Variants in CA8 observed in about 807,000 individuals in gnomAD.
The protein encoded by CA8 is carbonic anhydrase-related protein.
A neutral mutation model predicts 41.4 loss-of-function variants in CA8; 22 were observed. The ratio of observed to expected loss-of-function variants is 0.53; its 90% CI spans 0.38 to 0.76. CA8 has a LOEUF of 0.76. CA8 is among the 30% of genes least tolerant of loss of function. CA8 has a pLI of 0.00. For missense variants in CA8, 270 were observed against 352.8 expected (o/e 0.77, Z 1.88); for synonymous variants, 121 against 130.6 (o/e 0.93, Z 0.50).
chr8:60,217,271 C>T (rs913639843), intron 7 of CA8, among the ~76,000 whole-genome samples: 9 of 152,222 alleles, frequency 5.9e-5, no homozygotes, highest in African/African-American at 9.6e-5. Context: ...TGACCATAGA[C>T]ACCCAGCTCG....
At chr8:60,205,841 A>C (rs966879440) in intron 8 of CA8, among the ~76,000 whole-genome samples, 1 of 152,206 alleles carries the variant, frequency 6.6e-6, no homozygotes, top group Non-Finnish European at 1.5e-5. Context: ...AATTATTTTA[A>C]ACATTTTTTA....
intron 3 of CA8, among the ~76,000 whole-genome samples, chr8:60,234,365 A>G (rs1234795149): frequency 1.3e-5 from 2 of 152,212 alleles, no homozygotes; most frequent in Non-Finnish European, 2.9e-5. Flanking sequence ...CAGAAGAAGG[A>G]CATTAGGTAA....
At chr8:60,226,413 T>C (rs925583982) in intron 5 of CA8, among the ~76,000 whole-genome samples, 1 of 152,214 alleles carries the variant, frequency 6.6e-6, no homozygotes, top group African/African-American at 2.4e-5. Context: ...TTGGAACAGA[T>C]AAGCTGATGC....
chr8:60,238,206 A>T (rs1807899175), intron 3 of CA8, among the ~76,000 whole-genome samples: 1 of 152,234 alleles, frequency 6.6e-6, no homozygotes, highest in African/African-American at 2.4e-5. Flanking sequence ...CACTGAGAAA[A>T]ATAAGTTTGA....
Position 60,190,432 on chromosome 8 carries a change from A to AATATATAT in CA8, c.*36-455_*36-448dup, listed in dbSNP as rs57878452. On this transcript the variant is annotated intron_variant, in intron 8 of 8. Coordinates refer to ENST00000317995, the MANE Select transcript of CA8 (RefSeq NM_004056.6). ...TCTATTAAATAAATAATAAATGCAG[A>AATATATAT]ATATATATATATATATATATATATA... Among the ~76,000 whole-genome samples the AATATATAT allele has an allele frequency of 1.3e-3, 133 of 99,332 alleles. 1 individual carries two copies. Among genetic ancestry groups the AATATATAT allele is most frequent in the Non-Finnish European group, 1.7e-3 (85 of 49,732 alleles). 65.2% of individuals were successfully genotyped at this position (99,332 alleles called of 152,430 possible).
In CA8 at chr8:60,188,186, A is replaced by G. The variant is rs927537149; in HGVS notation, c.*1835T>C. 1 of 152,194 alleles carries G rather than the reference A, an allele frequency of 6.6e-6. No homozygotes were observed. Among genetic ancestry groups the G allele is most frequent in the Non-Finnish European group, 1.5e-5 (1 of 68,038 alleles). The allele number at this position is 152,194 out of a possible 1,614,324, so 9.4% of individuals were successfully genotyped here. On this transcript the variant is annotated 3_prime_UTR_variant, in exon 9 of 9. Coordinates refer to ENST00000317995, the MANE Select transcript of CA8 (RefSeq NM_004056.6). ...TATACAGACATAAACACACATACAC[A>G]CACACCTGTGAAGGGTGAAGTCTGA...
At chr8:60,207,904 TGCCACCACA>T (rs1344916498) in intron 8 of CA8, among the ~76,000 whole-genome samples, 1 of 152,158 alleles carries the variant, frequency 6.6e-6, no homozygotes, top group Non-Finnish European at 1.5e-5. Context: ...TACAAGCGTA[TGCCACCACA>T]CCCAGCTAAT....
Position 60,212,797 on chromosome 8 carries a change from G to A in CA8, c.739-3878C>T, listed in dbSNP as rs150432054. The stretch of plus-strand genomic sequence containing the variant: ...TAAGATGGTAGATCTTATGTTAAGC[G>A]TTCTGACCCAGTAAAATATTTTAAC... On this transcript the variant is annotated intron_variant, in intron 7 of 8. Transcript: ENST00000317995. 9.0e-3 allele frequency among the ~76,000 whole-genome samples: 1,372 copies of A among 152,290 alleles called. 8 individuals carry two copies. Among genetic ancestry groups the A allele is most frequent in the Non-Finnish European group, 0.015 (1,048 of 68,018 alleles).
At chr8:60,192,572 G>T (rs1386503249) in intron 8 of CA8, among the ~76,000 whole-genome samples, 2 of 152,056 alleles carry the variant, frequency 1.3e-5, no homozygotes, top group Admixed American at 6.6e-5. Context: ...AGTAATGCTT[G>T]GTCTCATCTG....
intron 3 of CA8, among the ~76,000 whole-genome samples, chr8:60,236,631 G>C (rs1305972839): frequency 5.9e-5 from 9 of 152,166 alleles, no homozygotes. Flanking sequence ...CCTTTGGGGA[G>C]GGGGGATGAA....
intron 8 of CA8, among the ~76,000 whole-genome samples, chr8:60,201,486 T>C (rs1806426412): frequency 6.6e-6 from 1 of 152,038 alleles, no homozygotes; most frequent in South Asian, 2.1e-4. Flanking sequence ...AAACTGGGTA[T>C]ATGGACACCA....
At chr8:60,242,554 A>G (rs1006194378) in intron 3 of CA8, among the ~76,000 whole-genome samples, 1 of 152,214 alleles carries the variant, frequency 6.6e-6, no homozygotes, top group African/African-American at 2.4e-5. Context: ...TTATCCGCAA[A>G]GACAAGAAAA....
chr8:60,219,946 A>AC (rs1386714397), intron 7 of CA8, among the ~76,000 whole-genome samples: 1 of 143,790 alleles, frequency 7.0e-6, no homozygotes, highest in East Asian at 2.0e-4. Flanking sequence ...AAAAAAAAAA[A>AC]AAAAAAACAC....
intron 7 of CA8, among the ~76,000 whole-genome samples, chr8:60,221,684 T>C (rs186655247): frequency 5.6e-4 from 86 of 152,286 alleles, no homozygotes; most frequent in Middle Eastern, 6.8e-3. Flanking sequence ...TCAAAGTTCA[T>C]AAAATAATGA....
chr8:60,198,571 CCTT>C (rs1806342140), intron 8 of CA8, among the ~76,000 whole-genome samples: 1 of 152,140 alleles, frequency 6.6e-6, no homozygotes, highest in Non-Finnish European at 1.5e-5. Flanking sequence ...CATTTTTCTT[CCTT>C]CTTCTCTAAT....
At chr8:60,259,933 T>C (rs1203408143) in intron 3 of CA8, among the ~76,000 whole-genome samples, 3 of 152,194 alleles carry the variant, frequency 2.0e-5, no homozygotes, top group Non-Finnish European at 4.4e-5. Context: ...TGTTCCTTTT[T>C]TCTGGTCAAA....
Position 60,279,671 on chromosome 8 carries a change from A to T in CA8, c.292+18T>A. ...ACTTCTAGTTTAAAAGACCACACAA[A>T]CATATTTTCTAAAATACCTGATTTT... On this transcript the variant is annotated intron_variant, in intron 2 of 8. Transcript: ENST00000317995. 5 of 1,607,616 alleles carry T rather than the reference A, an allele frequency of 3.1e-6. No homozygotes were observed. The highest frequency in any genetic ancestry group is 4.3e-6 in the Non-Finnish European group (5 of 1,174,078).
At chr8:60,242,585 A>C (rs1480922019) in intron 3 of CA8, among the ~76,000 whole-genome samples, 3 of 152,128 alleles carry the variant, frequency 2.0e-5, no homozygotes, top group Admixed American at 1.3e-4. Flanking sequence ...GGAAGGGAGA[A>C]TGTGTGACCC....
rs939759378 is a variant in CA8, at chr8:60,198,381, G to A, written c.*36-8396C>T. On this transcript the variant is annotated intron_variant, in intron 8 of 8. Transcript: ENST00000317995. ...CTCACTAATATGTGTAACTTAGAATGAATAAATAAGCTTTGATCAAAACTC... is the reference window on the plus strand; with the variant it reads ...CTCACTAATATGTGTAACTTAGAATAAATAAATAAGCTTTGATCAAAACTC... Among the ~76,000 whole-genome samples the A allele has an allele frequency of 2.6e-5, 4 of 151,704 alleles. No individual in the cohort carries two copies. In the East Asian group the frequency reaches 7.7e-4, roughly 29 times the overall value.
Sources: allele counts gnomAD v4.1 joint callset (sites outside exome capture counted in the v4.1 genomes callset), GRCh38; gene constraint gnomAD v4.1.1; transcripts MANE v1.5; gene names NCBI Gene and HGNC (gene_info 2026-07-23, HGNC 2026-07-21).